The following CNTN4 variants were observed in gnomAD, a reference collection of about 807,000 sequenced individuals.
CNTN4 encodes the protein contactin-4.
A neutral mutation model predicts 122.5 loss-of-function variants in CNTN4; 77 were observed. The ratio of observed to expected loss-of-function variants is 0.63; its 90% confidence interval spans 0.52 to 0.76. CNTN4 has a LOEUF of 0.76. Among genes scored for constraint, CNTN4 ranks in the 30% least tolerant of loss-of-function variants. The pLI, the probability that CNTN4 is intolerant of heterozygous loss-of-function variation, is 0.00. For synonymous variants in CNTN4, 512 were observed against 447.0 expected (o/e 1.15, Z -1.83); for missense variants, 1,256 against 1,259.1 (o/e 1.00, Z 0.04).
At chr3:2,674,901 G>A (rs2600273) in intron 4 of CNTN4, among the ~76,000 whole-genome samples, 40,790 of 151,976 alleles carry the variant, frequency 0.27, 6,875 homozygotes, top group African/African-American at 0.48. Flanking sequence ...ATAGTTCCCA[G>A]CCTCTAGTAG....
chr3:2,368,029 CTT>C (rs549023861), intron 3 of CNTN4, among the ~76,000 whole-genome samples: 641 of 109,704 alleles, frequency 5.8e-3, no homozygotes, highest in East Asian at 0.015. Context: ...TAGAAAACTT[CTT>C]TTTTTTTTTT....
chr3:2,405,509 T>A (rs948204715), intron 3 of CNTN4, among the ~76,000 whole-genome samples: 1 of 152,036 alleles, frequency 6.6e-6, no homozygotes, highest in Non-Finnish European at 1.5e-5. Context: ...AGCTGCAAAA[T>A]TGGAGCAACC....
At chr3:2,427,503 A>G (rs1162485705) in intron 3 of CNTN4, among the ~76,000 whole-genome samples, 2 of 152,112 alleles carry the variant, frequency 1.3e-5, no homozygotes, top group Admixed American at 1.3e-4. Flanking sequence ...TTTGTGGTCA[A>G]TTTTGGAATA....
At chr3:2,679,868 A>G (rs962327931) in intron 4 of CNTN4, among the ~76,000 whole-genome samples, 33 of 152,212 alleles carry the variant, frequency 2.2e-4, no homozygotes, top group African/African-American at 7.7e-4. Context: ...GCCTCACCCA[A>G]TAAATGAAGT....
At chr3:2,998,899 C>T (rs896019072) in intron 14 of CNTN4, 1 of 152,136 alleles carries the variant, frequency 6.6e-6, no homozygotes, top group African/African-American at 2.4e-5. Context: ...TTTGCTTCTT[C>T]TAAGAGACAT....
intron 1 of CNTN4, 48 bp from the exon 2 acceptor site, chr3:2,100,510 G>C (rs2031843032): frequency 6.6e-6 from 1 of 152,210 alleles, no homozygotes; most frequent in African/African-American, 2.4e-5. Context: ...GCGTTCCCAA[G>C]TCTGCCTAAT....
intron 13 of CNTN4, among the ~76,000 whole-genome samples, chr3:2,932,232 G>A (rs1469051686): frequency 6.6e-6 from 1 of 152,032 alleles, no homozygotes; most frequent in Non-Finnish European, 1.5e-5. Flanking sequence ...AAAAAAATTA[G>A]CCGGGCGTGG....
intron 3 of CNTN4, among the ~76,000 whole-genome samples, chr3:2,364,809 C>T (rs1452841673): frequency 1.3e-5 from 2 of 152,092 alleles, no homozygotes; most frequent in Non-Finnish European, 2.9e-5. Flanking sequence ...AAAGAGACAC[C>T]TCTCTATGGT....
intron 2 of CNTN4, among the ~76,000 whole-genome samples, chr3:2,179,023 C>G (rs2036887774): frequency 6.6e-6 from 1 of 152,016 alleles, no homozygotes; most frequent in African/African-American, 2.4e-5. Context: ...TGTCCCTGAT[C>G]CTCCTGCCAT....
intron 8 of CNTN4, among the ~76,000 whole-genome samples, chr3:2,874,729 A>C (rs939048811): frequency 6.6e-6 from 1 of 152,160 alleles, no homozygotes; most frequent in Non-Finnish European, 1.5e-5. Flanking sequence ...AGGGTGAAGA[A>C]ACCGGGCCTG....
chr3:2,284,460 A>G lies in CNTN4; in HGVS notation c.-144-54718A>G, dbSNP rs959021364. Reference sequence around the variant, plus strand: ...ATCCTTTTAACTGGTCTGGAAGGCAATTTAGTTTTAAGTCAGTTACTTTTT... The same window carrying G: ...ATCCTTTTAACTGGTCTGGAAGGCAGTTTAGTTTTAAGTCAGTTACTTTTT... On this transcript the variant is annotated intron_variant, in intron 2 of 24. Transcript: ENST00000418658. 3.3e-5 allele frequency among the ~76,000 whole-genome samples: 5 copies of G among 152,212 alleles called. No homozygotes were observed. The South Asian group carries it at 6.2e-4, about 19-fold the overall frequency.
At chr3:2,529,181 A>G (rs536808291) in intron 3 of CNTN4, among the ~76,000 whole-genome samples, 12 of 152,212 alleles carry the variant, frequency 7.9e-5, no homozygotes, top group African/African-American at 2.2e-4. Context: ...CTTAGCTTCT[A>G]CACAGGAGTG....
Position 2,269,925 on chromosome 3 carries a change from T to C in CNTN4, c.-144-69253T>C, listed in dbSNP as rs1391786856. Among the ~76,000 whole-genome samples the C allele has an allele frequency of 4.2e-5, 3 of 70,932 alleles. 1 individual carries two copies. The allele number at this position is 70,932 out of a possible 152,430, so 46.5% of individuals were successfully genotyped here. On this transcript the variant is annotated intron_variant, in intron 2 of 24. Coordinates refer to ENST00000418658, the MANE Select transcript of CNTN4 (RefSeq NM_175607.3). ...TTGTTTGTTTGTTTGTTTATTTATT[T>C]ATTTATTTATTTATTTATTTATTTA... is the stretch of plus-strand genomic sequence containing the variant.
intron 10 of CNTN4, among the ~76,000 whole-genome samples, chr3:2,889,975 A>G (rs1292248111): frequency 2.6e-5 from 4 of 152,178 alleles, no homozygotes; most frequent in East Asian, 1.9e-4. Context: ...GGTTCTAACA[A>G]TGTTTCCTTT....
At chr3:2,903,267 C>G (rs902267133) in intron 12 of CNTN4, among the ~76,000 whole-genome samples, 2 of 152,174 alleles carry the variant, frequency 1.3e-5, no homozygotes, top group African/African-American at 4.8e-5. Flanking sequence ...GACTGCACTT[C>G]TAAATTGAGC....
chr3:2,587,363 T>C (rs961605849), intron 4 of CNTN4, among the ~76,000 whole-genome samples: 1 of 151,674 alleles, frequency 6.6e-6, no homozygotes, highest in Non-Finnish European at 1.5e-5. Flanking sequence ...ATATTCTGTA[T>C]AGAATTTTGT....
At chr3:2,856,695 T>C (rs2093622088) in intron 7 of CNTN4, among the ~76,000 whole-genome samples, 1 of 152,234 alleles carries the variant, frequency 6.6e-6, no homozygotes, top group Admixed American at 6.5e-5. Flanking sequence ...AATCCATTAA[T>C]CACGGATGCC....
At chr3:3,020,686 A>G (rs916834030) in intron 14 of CNTN4, among the ~76,000 whole-genome samples, 3 of 152,220 alleles carry the variant, frequency 2.0e-5, no homozygotes, top group Admixed American at 2.0e-4. Context: ...CCTTCTACAG[A>G]GCCAGAATAT....
intron 2 of CNTN4, among the ~76,000 whole-genome samples, chr3:2,226,168 T>C (rs1482242959): frequency 6.6e-6 from 1 of 152,230 alleles, no homozygotes; most frequent in East Asian, 1.9e-4. Flanking sequence ...ACCTCCTTGC[T>C]GTATGGTTTT....
Sources: gnomAD v4.1 joint callset for allele counts (sites outside exome capture counted in the v4.1 genomes callset) on GRCh38, gnomAD v4.1.1 for gene constraint, MANE v1.5 for transcripts, NCBI Gene and HGNC (gene_info 2026-07-23, HGNC 2026-07-21) for gene names.